ZNF536: variants seen among roughly 807,000 people sequenced by gnomAD.
ZNF536 encodes zinc finger protein 536.
A neutral mutation model predicts 84.5 loss-of-function variants in ZNF536; 13 were observed. The observed-to-expected ratio is 0.15, with a 90% CI of 0.10 to 0.24. The LOEUF (loss-of-function observed/expected upper bound fraction) is 0.24. ZNF536 is among the 10% of genes least tolerant of loss of function. ZNF536 has a pLI of 1.00. For missense variants in ZNF536, 1,536 were observed against 1,747.5 expected (o/e 0.88, Z 2.16); for synonymous variants, 811 against 742.5 (o/e 1.09, Z -1.50).
At chr19:30,448,975 C>T (rs983443446) in intron 2 of ZNF536, among the ~76,000 whole-genome samples, 1 of 152,190 alleles carries the variant, frequency 6.6e-6, no homozygotes, top group African/African-American at 2.4e-5. Flanking sequence ...ATGTTTGAAT[C>T]AGTGAACATG....
intron 1 of ZNF536, among the ~76,000 whole-genome samples, chr19:30,673,093 G>A (rs1207063728): frequency 6.6e-6 from 1 of 152,186 alleles, no homozygotes; most frequent in Non-Finnish European, 1.5e-5. Flanking sequence ...GGGAATGGGT[G>A]AGGACTCCAG....
chr19:30,295,669 T>C (rs2045974410), intron 2 of ZNF536, among the ~76,000 whole-genome samples: 2 of 152,176 alleles, frequency 1.3e-5, no homozygotes, highest in East Asian at 1.9e-4. Context: ...GAGCCCTGCC[T>C]CTGGGGTCAT....
chr19:30,623,040 G>GTTTTT (rs778168856), intron 1 of ZNF536, among the ~76,000 whole-genome samples: 1 of 99,280 alleles, frequency 1.0e-5, no homozygotes, highest in Non-Finnish European at 2.2e-5. Flanking sequence ...TTGTTTTTTT[G>GTTTTT]TTTTTTTGTT....
At chr19:30,468,933 G>T (rs1321828406) in intron 2 of ZNF536, among the ~76,000 whole-genome samples, 1 of 151,978 alleles carries the variant, frequency 6.6e-6, no homozygotes, top group Non-Finnish European at 1.5e-5. Context: ...GATGAGGATT[G>T]TCACACCCAC....
At chr19:30,291,591 CTT>C (rs2145805400) in intron 2 of ZNF536, among the ~76,000 whole-genome samples, 1 of 152,308 alleles carries the variant, frequency 6.6e-6, no homozygotes, top group Admixed American at 6.5e-5. Context: ...AGACCCCACT[CTT>C]AATTCTTTTG....
chr19:30,674,881 C>T (rs575217556), intron 1 of ZNF536, among the ~76,000 whole-genome samples: 1 of 152,110 alleles, frequency 6.6e-6, no homozygotes, highest in Non-Finnish European at 1.5e-5. Context: ...CCCCTGTGGT[C>T]AGGGAGAATG....
chr19:30,678,932 T>A (rs1600239774), intron 1 of ZNF536, among the ~76,000 whole-genome samples: 1 of 151,984 alleles, frequency 6.6e-6, no homozygotes, highest in Non-Finnish European at 1.5e-5. Flanking sequence ...TGAGACTCCA[T>A]CCTAAAAAGA....
chr19:30,458,826 G>A (rs1030411673), intron 2 of ZNF536, among the ~76,000 whole-genome samples: 1 of 152,132 alleles, frequency 6.6e-6, no homozygotes, highest in African/African-American at 2.4e-5. Context: ...TGAGGGGCTG[G>A]GGAGACTCTC....
chr19:30,612,583 G>C (rs895645879), intron 1 of ZNF536, among the ~76,000 whole-genome samples: 1 of 152,218 alleles, frequency 6.6e-6, no homozygotes, highest in African/African-American at 2.4e-5. Flanking sequence ...ATGACTTGTA[G>C]ATCTGTTAAC....
chr19:30,543,896 G>C (rs10414832), intron 3 of ZNF536, among the ~76,000 whole-genome samples: 1 of 152,092 alleles, frequency 6.6e-6, no homozygotes, highest in Non-Finnish European at 1.5e-5. Context: ...GAGGTTCACA[G>C]CTCAACCTCT....
chr19:30,660,055 C>T (rs1164142345), intron 1 of ZNF536, among the ~76,000 whole-genome samples: 1 of 152,002 alleles, frequency 6.6e-6, no homozygotes, highest in Non-Finnish European at 1.5e-5. Flanking sequence ...TTTGAAAAAG[C>T]CACAGATAAC....
chr19:30,676,003 A>G (rs1194090473), intron 1 of ZNF536, among the ~76,000 whole-genome samples: 2 of 152,064 alleles, frequency 1.3e-5, no homozygotes, highest in African/African-American at 2.4e-5. Context: ...GACTATAGGC[A>G]TGAGCCACTA....
At chr19:30,705,333 G>C (rs1038495374) in intron 1 of ZNF536, among the ~76,000 whole-genome samples, 2 of 151,942 alleles carry the variant, frequency 1.3e-5, no homozygotes, top group African/African-American at 4.8e-5. Context: ...GTGTGTGTGT[G>C]TGTCTATAAA....
At chr19:30,261,697 C>CAAAAAA (rs56820609) in intron 1 of ZNF536, among the ~76,000 whole-genome samples, 28 of 99,782 alleles carry the variant, frequency 2.8e-4, no homozygotes, top group Non-Finnish European at 4.1e-4. Context: ...GGACCTTGTC[C>CAAAAAA]AAAAAAAAAA....
At chr19:30,613,455 A>G (rs1273686312) in intron 1 of ZNF536, among the ~76,000 whole-genome samples, 4 of 152,014 alleles carry the variant, frequency 2.6e-5, no homozygotes, top group Non-Finnish European at 5.9e-5. Context: ...TTTCTCTCCT[A>G]TTGGTTATTC....
At chr19:30,587,096 A>C (rs1568578112) in intron 1 of ZNF536, among the ~76,000 whole-genome samples, 2 of 152,254 alleles carry the variant, frequency 1.3e-5, no homozygotes, top group African/African-American at 4.8e-5. Flanking sequence ...AGGAGCTATG[A>C]TACCTTTTTC....
chr19:30,497,515 G>A (rs959623303), intron 2 of ZNF536, among the ~76,000 whole-genome samples: 1 of 152,098 alleles, frequency 6.6e-6, no homozygotes, highest in Non-Finnish European at 1.5e-5. Context: ...AAAAGTGAAG[G>A]CACTCCAATG....
intron 2 of ZNF536, among the ~76,000 whole-genome samples, chr19:30,507,428 T>C (rs890828131): frequency 6.6e-6 from 1 of 151,746 alleles, no homozygotes; most frequent in Non-Finnish European, 1.5e-5. Context: ...TTGAGAAAAA[T>C]AAGATTAAAA....
At chr19:30,643,009 A>C (rs781224618) in intron 1 of ZNF536, among the ~76,000 whole-genome samples, 1 of 152,240 alleles carries the variant, frequency 6.6e-6, no homozygotes, top group Non-Finnish European at 1.5e-5. Context: ...ATTGTTCAAA[A>C]GTCATATCTT....
Sources: allele counts gnomAD v4.1 joint callset (sites outside exome capture counted in the v4.1 genomes callset), GRCh38; gene constraint gnomAD v4.1.1; transcripts MANE v1.5; gene names NCBI Gene and HGNC (gene_info 2026-07-23, HGNC 2026-07-21).